SAYSD1: variants seen among roughly 807,000 people sequenced by gnomAD.
SAYSD1 encodes SAYSvFN domain-containing protein 1.
Under a neutral mutation model 14.5 loss-of-function variants are expected in SAYSD1, and 15 were observed. The observed-to-expected ratio is 1.03, with a 90% CI of 0.69 to 1.59. SAYSD1 has a LOEUF of 1.59. Among genes scored for constraint, SAYSD1 ranks in the 40% most tolerant of loss-of-function variants. The pLI is 0.00. For synonymous variants in SAYSD1, 105 were observed against 102.6 expected (o/e 1.02, Z -0.14); for missense variants, 247 against 227.3 (o/e 1.09, Z -0.56).
intron 1 of SAYSD1, among the ~76,000 whole-genome samples, chr6:39,108,965 G>GT (rs1769570433): frequency 6.6e-6 from 1 of 152,190 alleles, no homozygotes; most frequent in South Asian, 2.1e-4. Flanking sequence ...TTGTACAAGA[G>GT]TAGGACTTGT....
intron 1 of SAYSD1, among the ~76,000 whole-genome samples, chr6:39,108,707 T>G (rs1769552044): frequency 6.6e-6 from 1 of 152,080 alleles, no homozygotes; most frequent in South Asian, 2.1e-4. Flanking sequence ...CCCCTCCTAC[T>G]ACAAACGGCA....
chr6:39,109,345 G>T (rs201937753), intron 1 of SAYSD1: 1 of 1,550,922 alleles, frequency 6.4e-7, no homozygotes, highest in Non-Finnish European at 8.7e-7. Context: ...GAAGAAGCTC[G>T]TCACAGAATT....
At chr6:39,108,843 T>C (rs1042660737) in intron 1 of SAYSD1, among the ~76,000 whole-genome samples, 2 of 152,190 alleles carry the variant, frequency 1.3e-5, no homozygotes, top group African/African-American at 4.8e-5. Context: ...TCTGCTCCCC[T>C]CACCCCTAAT....
At chr6:39,114,064 A>AT (rs1769682878) in intron 1 of SAYSD1, among the ~76,000 whole-genome samples, 1 of 152,212 alleles carries the variant, frequency 6.6e-6, no homozygotes, top group Non-Finnish European at 1.5e-5. Flanking sequence ...TTTAAAAGGA[A>AT]TTTTTTAGTT....
At position 39,115,083 on chromosome 6, in the gene SAYSD1, G is replaced by A. The variant is rs1769720644; in HGVS notation, c.7C>T (p.Gln3Ter). The A allele has an allele frequency of 6.2e-7, 1 of 1,602,816 alleles. No individual in the cohort carries two copies. The stretch of plus-strand genomic sequence containing the variant: ...GCCGCCCGAAACTCAGCTAACCGCT[G>A]TTCCATGGCGCGCGCCTCGCGTCCG... ME[Q>*]RLAEFRAARK... The change falls in exon 1 of 2, where the codon CAG becomes TAG. Residue 3 changes from glutamine to a stop codon, truncating the protein, a stop_gained. Transcript: ENST00000229903. LOFTEE classifies it high-confidence loss of function.
chr6:39,114,820 G>A (rs991268866), intron 1 of SAYSD1, 63 bp downstream of exon 1: 23 of 1,545,266 alleles, frequency 1.5e-5, no homozygotes, highest in Middle Eastern at 2.3e-4. Context: ...CCGGCAGCTA[G>A]GGCCGCGCCC....
At chr6:39,106,541 A>C (rs1451580487) in intron 1 of SAYSD1, among the ~76,000 whole-genome samples, 3 of 149,232 alleles carry the variant, frequency 2.0e-5, no homozygotes, top group Middle Eastern at 3.3e-3. Flanking sequence ...ACAAACAAAA[A>C]CCACTGTTAC....
intron 1 of SAYSD1, among the ~76,000 whole-genome samples, chr6:39,110,137 T>C (rs552863012): frequency 2.0e-5 from 3 of 152,244 alleles, no homozygotes; most frequent in East Asian, 3.9e-4. Context: ...ATGATTTCAG[T>C]ATATGTGCAC....
At position 39,114,938 on chromosome 6, in the gene SAYSD1, AACCGCTTTAGCC is replaced by A; in HGVS notation, c.140_151del (p.Trp47_Arg50del). 6.2e-7 allele frequency: 1 copy of A among 1,613,770 alleles called. No individual in the cohort carries two copies. The highest frequency in any genetic ancestry group is 2.2e-5 in the East Asian group (1 of 44,868). ...CGCGGGCCTAGGTTTCCATACCAGG[AACCGCTTTAGCC>A]AGCCTGGGGCTGCCTTTAGAGTCGC... On this transcript the variant is annotated inframe_deletion, in exon 1 of 2. Coordinates refer to ENST00000229903, the MANE Select transcript of SAYSD1 (RefSeq NM_018322.3).
At chr6:39,113,206 A>G (rs1461234130) in intron 1 of SAYSD1, 1 of 152,230 alleles carries the variant, frequency 6.6e-6, no homozygotes, top group East Asian at 1.9e-4. Flanking sequence ...GCATGACTCA[A>G]TAAATTTACT....
chr6:39,115,009 G>T lies in SAYSD1; in HGVS notation c.81C>A (p.Gly27=). 1 of 1,613,594 alleles carries T rather than the reference G, an allele frequency of 6.2e-7. No homozygotes were observed. Among genetic ancestry groups the T allele is most frequent in the Non-Finnish European group, 8.5e-7 (1 of 1,179,904 alleles). The change falls in exon 1 of 2, where the codon GGC becomes GGA. Residue 27 remains glycine, a synonymous_variant. Transcript: ENST00000229903. The part of the protein sequence containing the change: ...LAAQPPAASQ[G]AQTPGEKAEA... ...CCGCCTTCTCTCCTGGGGTTTGTGC[G>T]CCCTGACTGGCAGCAGGGGGTTGGG... is the stretch of plus-strand genomic sequence containing the variant.
At chr6:39,111,281 C>G (rs998651527) in intron 1 of SAYSD1, 1 of 151,868 alleles carries the variant, frequency 6.6e-6, no homozygotes. Flanking sequence ...AACGAACAAA[C>G]ATCCAAAGCA....
In SAYSD1 at chr6:39,115,029, G is replaced by C. The variant is rs144265685; in HGVS notation, c.61C>G (p.Pro21Ala). Reference sequence around the variant, plus strand: ...TGTGCGCCCTGACTGGCAGCAGGGGGTTGGGCCGCCAGACCCGCCCGTTTC... The same window carrying C: ...TGTGCGCCCTGACTGGCAGCAGGGGCTTGGGCCGCCAGACCCGCCCGTTTC... ...ARKRAGLAAQ[P>A]PAASQGAQTP... Residue 21 changes from proline to alanine, a missense_variant, in exon 1 of 2, where the codon CCC becomes GCC. By Grantham distance (27) the Pro-to-Ala change is conservative (BLOSUM62 -1). Coordinates refer to ENST00000229903, the MANE Select transcript of SAYSD1 (RefSeq NM_018322.3). 1 of 1,612,772 alleles carries C rather than the reference G, an allele frequency of 6.2e-7. No individual in the cohort carries two copies. The highest frequency in any genetic ancestry group is 1.3e-5 in the African/African-American group (1 of 74,934).
At chr6:39,109,428 G>T in intron 1 of SAYSD1, 3 of 1,547,212 alleles carry the variant, frequency 1.9e-6, no homozygotes, top group South Asian at 2.4e-5. Flanking sequence ...CCTCATCAAT[G>T]ACTGCTGAAA....
chr6:39,109,342 C>T, intron 1 of SAYSD1: 1 of 1,551,058 alleles, frequency 6.4e-7, no homozygotes, highest in Non-Finnish European at 8.7e-7. Context: ...GTGGAAGAAG[C>T]TCGTCACAGA....
At chr6:39,109,404 G>T (rs1055823758) in intron 1 of SAYSD1, 23 of 1,549,376 alleles carry the variant, frequency 1.5e-5, no homozygotes, top group Non-Finnish European at 1.6e-5. Flanking sequence ...GTGGGAAGGA[G>T]GATGTAGATA....
rs1008063398 is a variant in SAYSD1 at position 39,109,597 on chromosome 6, A to G, written c.208-3821T>C. The G allele has an allele frequency of 9.6e-6, 13 of 1,358,600 alleles. No individual in the cohort carries two copies. The East Asian group carries it at 1.7e-4, about 18-fold the overall frequency. The allele number at this position is 1,358,600 out of a possible 1,614,324, so 84.2% of individuals were successfully genotyped here. A position where few individuals can be genotyped will look rare whatever the true frequency, so the allele number is the denominator to read the frequency against. ...CAAAGAGTATTCTTTGTGCATATAC[A>G]TTACAGTTTCTTGATCCCTTCATCT... On this transcript the variant is annotated intron_variant, in intron 1 of 1. Transcript: ENST00000229903.
chr6:39,113,874 C>CA lies in SAYSD1; in HGVS notation c.207+1008dup, dbSNP rs536137488. Among the ~76,000 whole-genome samples the CA allele has an allele frequency of 2.3e-3, 343 of 152,354 alleles. 1 individual carries two copies. In the Middle Eastern group the frequency reaches 0.037, roughly 17 times the overall value. ...TGTCTGAACTCTGCTGCGCTCTTTT[C>CA]ACCTTTCTGCAAGTCAGCTGGAATC... On this transcript the variant is annotated intron_variant, in intron 1 of 1. Transcript: ENST00000229903.
At chr6:39,108,441 C>G (rs1032554397) in intron 1 of SAYSD1, among the ~76,000 whole-genome samples, 3 of 151,566 alleles carry the variant, frequency 2.0e-5, no homozygotes, top group African/African-American at 7.3e-5. Context: ...GGGGGGTAAA[C>G]AAACTGACGA....
Sources: gnomAD v4.1 joint callset for allele counts (sites outside exome capture counted in the v4.1 genomes callset) on GRCh38, gnomAD v4.1.1 for gene constraint, MANE v1.5 for transcripts, NCBI Gene and HGNC (gene_info 2026-07-23, HGNC 2026-07-21) for gene names.